The following LUZP2 variants were observed in gnomAD, a reference collection of about 807,000 sequenced individuals.
LUZP2 encodes the protein leucine zipper protein 2.
In LUZP2, 52 loss-of-function variants were observed where a neutral mutation model predicts 51.6. The ratio of observed to expected loss-of-function variants is 1.01; its 90% confidence interval spans 0.81 to 1.27. LUZP2 has a LOEUF of 1.27. LUZP2 is among the 50% of genes most tolerant of loss of function. LUZP2 has a pLI of 0.00. For synonymous variants in LUZP2, 154 were observed against 137.3 expected (o/e 1.12, Z -0.85); for missense variants, 436 against 395.4 (o/e 1.10, Z -0.87).
chr11:25,064,767 A>T (rs976812490), intron 10 of LUZP2, among the ~76,000 whole-genome samples: 1 of 151,952 alleles, frequency 6.6e-6, no homozygotes, highest in Admixed American at 6.6e-5. Flanking sequence ...TCTCTCTCTT[A>T]TCCTAGGCAC....
At chr11:24,707,858 C>G (rs771767782) in intron 1 of LUZP2, among the ~76,000 whole-genome samples, 4 of 152,100 alleles carry the variant, frequency 2.6e-5, no homozygotes, top group Non-Finnish European at 5.9e-5. Flanking sequence ...AGGGTGCACC[C>G]TTACAGATGG....
chr11:25,038,945 C>G (rs1857949658), intron 9 of LUZP2, among the ~76,000 whole-genome samples: 1 of 152,098 alleles, frequency 6.6e-6, no homozygotes, highest in African/African-American at 2.4e-5. Flanking sequence ...GGACTGTAAT[C>G]CAATAGAGGA....
intron 5 of LUZP2, among the ~76,000 whole-genome samples, chr11:24,887,035 A>G (rs1387202924): frequency 6.6e-6 from 1 of 152,054 alleles, no homozygotes; most frequent in East Asian, 1.9e-4. Flanking sequence ...GTTTCCTCCC[A>G]TGGGAGCTGG....
rs571557278 is a variant in LUZP2 at position 25,025,239 on chromosome 11, A to G, written c.766-24799A>G. Among the ~76,000 whole-genome samples, 12 of 152,244 alleles carry G rather than the reference A, an allele frequency of 7.9e-5. No homozygotes were observed. The East Asian group carries it at 2.1e-3, about 27-fold the overall frequency. On this transcript the variant is annotated intron_variant, in intron 9 of 11. Coordinates refer to ENST00000336930, the MANE Select transcript of LUZP2 (RefSeq NM_001009909.4). ...ACCATTCAGGTCATAGGCATAGGCA[A>G]GGACTTCATGTCTAAAACACCAAAA...
In LUZP2 at chr11:25,074,635, A is replaced by T. The variant is rs562704004; in HGVS notation, c.859-2694A>T. Among the ~76,000 whole-genome samples, 3 of 152,298 alleles carry T rather than the reference A, an allele frequency of 2.0e-5. No homozygotes were observed. In the South Asian group the frequency reaches 6.2e-4, roughly 32 times the overall value. On this transcript the variant is annotated intron_variant, in intron 10 of 11. Coordinates refer to ENST00000336930, the MANE Select transcript of LUZP2 (RefSeq NM_001009909.4). The stretch of plus-strand genomic sequence containing the variant: ...ACACATAAAGAATTTTAGGTCAAAG[A>T]TATTCAAGAAATACGTACATTATAT...
At chr11:24,529,239 C>T (rs1455346473) in intron 1 of LUZP2, among the ~76,000 whole-genome samples, 1 of 150,978 alleles carries the variant, frequency 6.6e-6, no homozygotes, top group African/African-American at 2.4e-5. Context: ...AAAAACCTGG[C>T]ATAGTAACAG....
intron 7 of LUZP2, among the ~76,000 whole-genome samples, chr11:24,967,271 A>G (rs1855611682): frequency 6.6e-6 from 1 of 151,988 alleles, no homozygotes; most frequent in Non-Finnish European, 1.5e-5. Flanking sequence ...CTGTACATTC[A>G]TTAATTTAGG....
intron 1 of LUZP2, among the ~76,000 whole-genome samples, chr11:24,704,499 G>GTA (rs2133917052): frequency 1.3e-5 from 2 of 150,834 alleles, no homozygotes; most frequent in East Asian, 3.9e-4. Context: ...ATTTTTGTGT[G>GTA]TATATGTGCC....
chr11:24,905,920 T>A, intron 5 of LUZP2, 71 bp from the exon 6 acceptor site: 3 of 1,094,444 alleles, frequency 2.7e-6, no homozygotes, highest in Non-Finnish European at 4.2e-6. Context: ...AAAGCAATAA[T>A]GTTGACATAG....
intron 1 of LUZP2, among the ~76,000 whole-genome samples, chr11:24,575,514 A>G (rs1852615212): frequency 6.6e-6 from 1 of 152,172 alleles, no homozygotes; most frequent in South Asian, 2.1e-4. Flanking sequence ...AGAATGATTC[A>G]TGATTCCTAT....
At position 25,018,360 on chromosome 11, in the gene LUZP2, A is replaced by G. The variant is rs1590841166; in HGVS notation, c.766-31678A>G. Among the ~76,000 whole-genome samples the G allele has an allele frequency of 3.9e-5, 6 of 152,178 alleles. No homozygotes were observed. The South Asian group carries it at 1.2e-3, about 32-fold the overall frequency. The stretch of plus-strand genomic sequence containing the variant: ...CTTTCCAAACTTTATTCTTTGGAAC[A>G]GAATCACTAAGTTCAGCCTACACTC... On this transcript the variant is annotated intron_variant, in intron 9 of 11. Transcript: ENST00000336930.
At chr11:25,040,313 T>C (rs1394256624) in intron 9 of LUZP2, among the ~76,000 whole-genome samples, 3 of 146,256 alleles carry the variant, frequency 2.1e-5, no homozygotes, top group Non-Finnish European at 4.5e-5. Flanking sequence ...TGCATAGTTC[T>C]CTGTAGAGAG....
At chr11:24,842,117 G>C (rs1851052019) in intron 5 of LUZP2, among the ~76,000 whole-genome samples, 2 of 150,738 alleles carry the variant, frequency 1.3e-5, no homozygotes, top group Admixed American at 1.3e-4. Context: ...ATTTTTAAAA[G>C]TTGTGGCAAT....
intron 1 of LUZP2, among the ~76,000 whole-genome samples, chr11:24,568,392 A>G (rs1463846974): frequency 6.6e-6 from 1 of 151,036 alleles, no homozygotes; most frequent in Non-Finnish European, 1.5e-5. Context: ...TTATTATATT[A>G]ACATGAGACA....
intron 1 of LUZP2, among the ~76,000 whole-genome samples, chr11:24,677,234 C>G (rs992912657): frequency 6.6e-6 from 1 of 152,176 alleles, no homozygotes; most frequent in Non-Finnish European, 1.5e-5. Flanking sequence ...CTATTCTTCA[C>G]TTATAATCCA....
intron 5 of LUZP2, among the ~76,000 whole-genome samples, chr11:24,817,386 A>T (rs1850219207): frequency 6.6e-6 from 1 of 151,998 alleles, no homozygotes. Context: ...TAGTTGGCTC[A>T]TGGTTGAGTT....
At chr11:24,973,364 GTTT>G (rs369095558) in intron 7 of LUZP2, among the ~76,000 whole-genome samples, 7 of 103,002 alleles carry the variant, frequency 6.8e-5, no homozygotes, top group African/African-American at 2.1e-4. Context: ...ATATTTATTA[GTTT>G]TTTTTTTTTT....
chr11:24,759,004 T>C (rs1565121741), intron 4 of LUZP2, among the ~76,000 whole-genome samples: 1 of 152,098 alleles, frequency 6.6e-6, no homozygotes, highest in Non-Finnish European at 1.5e-5. Flanking sequence ...ATACTCTTTA[T>C]GGAAATAGAA....
At position 24,551,655 on chromosome 11, in the gene LUZP2, C is replaced by G. The variant is rs565464368; in HGVS notation, c.62+54350C>G. ...CAAAAGCAACAAAAACAAAATATAT[C>G]AAAATTTGACACAGTCATAGTAATT... is the stretch of plus-strand genomic sequence containing the variant. On this transcript the variant is annotated intron_variant, in intron 1 of 11. Coordinates refer to ENST00000336930, the MANE Select transcript of LUZP2 (RefSeq NM_001009909.4). Among the ~76,000 whole-genome samples, 79 of 151,592 alleles carry G rather than the reference C, an allele frequency of 5.2e-4. 1 individual carries two copies. Among genetic ancestry groups the G allele is most frequent in the Non-Finnish European group, 6.0e-4 (41 of 67,884 alleles).
Sources: gnomAD v4.1 joint callset for allele counts (sites outside exome capture counted in the v4.1 genomes callset) on GRCh38, gnomAD v4.1.1 for gene constraint, MANE v1.5 for transcripts, NCBI Gene and HGNC (gene_info 2026-07-23, HGNC 2026-07-21) for gene names.